The following HNRNPD variants were observed in gnomAD, a reference collection of about 807,000 sequenced individuals.
HNRNPD encodes heterogeneous nuclear ribonucleoprotein D0.
In HNRNPD, 3 loss-of-function variants were observed where a neutral mutation model predicts 47.9. That is an observed-to-expected ratio of 0.06 (90% CI 0.03 to 0.16). HNRNPD has a LOEUF of 0.16. Among genes scored for constraint, HNRNPD ranks in the 10% least tolerant of loss-of-function variants. HNRNPD has a pLI of 1.00. For missense variants in HNRNPD, 287 were observed against 454.2 expected (o/e 0.63, Z 3.35); for synonymous variants, 171 against 165.1 (o/e 1.04, Z -0.28).
intron 2 of HNRNPD, among the ~76,000 whole-genome samples, chr4:82,362,088 C>T (rs1719480456): frequency 6.6e-6 from 1 of 152,120 alleles, no homozygotes; most frequent in Non-Finnish European, 1.5e-5. Flanking sequence ...TTTCTAACAG[C>T]ATCACACTTT....
intron 2 of HNRNPD, 45 bp from the exon 3 acceptor site, chr4:82,359,684 C>A: frequency 1.5e-6 from 2 of 1,368,148 alleles, no homozygotes; most frequent in South Asian, 2.9e-5. Flanking sequence ...AAAAAATTGC[C>A]TTAAATATTA....
chr4:82,364,490 A>G (rs899500608), intron 2 of HNRNPD, among the ~76,000 whole-genome samples: 2 of 152,226 alleles, frequency 1.3e-5, no homozygotes, highest in African/African-American at 4.8e-5. Context: ...AATTTAATAA[A>G]GCAAACTTTT....
intron 2 of HNRNPD, among the ~76,000 whole-genome samples, chr4:82,362,012 C>T (rs1271012013): frequency 6.6e-6 from 1 of 152,212 alleles, no homozygotes; most frequent in African/African-American, 2.4e-5. Context: ...TCCCTTAAAG[C>T]ACCGCCTGCC....
chr4:82,363,761 C>T (rs553142476), intron 2 of HNRNPD, among the ~76,000 whole-genome samples: 1 of 152,294 alleles, frequency 6.6e-6, no homozygotes, highest in African/African-American at 2.4e-5. Context: ...GTTTAAAACA[C>T]CTACTCCACA....
Position 82,359,621 on chromosome 4 carries a change from G to T in HNRNPD, c.309C>A (p.Gly103=). ...CTTTCTTTGTAGTGTCCCAGCTAAG[G>T]CCTCCTATAAACATTTTCCTGTAAA... is the stretch of plus-strand genomic sequence containing the variant. ...QREEWKMFIG[G]LSWDTTKKDL... The change falls in exon 3 of 9, where the codon GGC becomes GGA. Residue 103 remains glycine (G), a synonymous_variant. Transcript: ENST00000313899. The T allele has an allele frequency of 6.4e-7, 1 of 1,559,522 alleles. No homozygotes were observed. Among genetic ancestry groups the T allele is most frequent in the Non-Finnish European group, 8.8e-7 (1 of 1,142,102 alleles).
At position 82,358,587 on chromosome 4, in the gene HNRNPD, C is replaced by CTT. The variant is rs879101953; in HGVS notation, c.621+71_621+72insAA. On this transcript the variant is annotated intron_variant, in intron 4 of 8. Coordinates refer to ENST00000313899, the MANE Select transcript of HNRNPD (RefSeq NM_031370.3). ...AACAGCTTTGAAAAGCCAAGTGACT[C>CTT]TGAGTCCATAATGGGACAATCACAT... 5 of 1,372,874 alleles carry CTT rather than the reference C, an allele frequency of 3.6e-6. No homozygotes were observed. In the Admixed American group the frequency reaches 1.1e-4, roughly 29 times the overall value. 85.0% of individuals were successfully genotyped at this position (1,372,874 alleles called of 1,614,324 possible).
At chr4:82,365,991 A>G (rs1719735366) in intron 2 of HNRNPD, among the ~76,000 whole-genome samples, 1 of 152,074 alleles carries the variant, frequency 6.6e-6, no homozygotes, top group African/African-American at 2.4e-5. Flanking sequence ...TTTAGTCAAT[A>G]AAAATATAAA....
intron 2 of HNRNPD, among the ~76,000 whole-genome samples, chr4:82,367,758 G>A (rs1017391450): frequency 1.3e-4 from 20 of 152,090 alleles, no homozygotes; most frequent in Non-Finnish European, 1.9e-4. Context: ...TAGCTCCAAC[G>A]TACAATATAA....
At chr4:82,356,300 A>G in intron 7 of HNRNPD, 2 of 416,512 alleles carry the variant, frequency 4.8e-6, no homozygotes, top group Non-Finnish European at 8.5e-6. Context: ...TTTAAATCCA[A>G]GTAAAACAAA....
chr4:82,354,627 T>C (rs1391322777), intron 8 of HNRNPD: 1 of 152,626 alleles, frequency 6.6e-6, no homozygotes, highest in Non-Finnish European at 1.5e-5. Context: ...TGCTACAACG[T>C]CTATAAATGG....
At chr4:82,363,660 T>C (rs970871526) in intron 2 of HNRNPD, among the ~76,000 whole-genome samples, 20 of 152,110 alleles carry the variant, frequency 1.3e-4, no homozygotes, top group Admixed American at 7.2e-4. Context: ...AATGCAGGAC[T>C]TCATCTACTG....
intron 7 of HNRNPD, 193 bp downstream of exon 7, chr4:82,356,344 C>T (rs1472900467): frequency 1.8e-6 from 1 of 555,350 alleles, no homozygotes. Context: ...CACACATACA[C>T]CCTACCCTTA....
At chr4:82,372,122 A>C (rs747091460) in intron 1 of HNRNPD, among the ~76,000 whole-genome samples, 1 of 151,806 alleles carries the variant, frequency 6.6e-6, no homozygotes, top group Non-Finnish European at 1.5e-5. Context: ...ATATCCACCA[A>C]CACCTTTCTC....
chr4:82,371,481 GACT>G (rs1720046005), intron 2 of HNRNPD, 44 bp downstream of exon 2: 1 of 1,442,306 alleles, frequency 6.9e-7, no homozygotes, highest in Middle Eastern at 1.7e-4. Context: ...TACATATTAT[GACT>G]ACTGAAACCT....
chr4:82,357,888 C>T (rs6846730), intron 4 of HNRNPD: 46,865 of 152,692 alleles, frequency 0.31, 8,292 homozygotes, highest in African/African-American at 0.5. Context: ...AGGAGGGCAG[C>T]GTCAGTTCCC....
intron 1 of HNRNPD, among the ~76,000 whole-genome samples, chr4:82,371,887 G>A (rs967222995): frequency 6.6e-6 from 1 of 151,946 alleles, no homozygotes; most frequent in Non-Finnish European, 1.5e-5. Flanking sequence ...TATACAATTC[G>A]AGTTGGTTCT....
Position 82,364,387 on chromosome 4 carries a change from T to TA in HNRNPD, c.291-4749dup, listed in dbSNP as rs1719638975. On this transcript the variant is annotated intron_variant, in intron 2 of 8. Transcript: ENST00000313899. Reference sequence around the variant, plus strand: ...GAGGGTTAAAACTAGTTAACACACTTAAAGGACACAGAATAGTCTGACACA... The same window carrying TA: ...GAGGGTTAAAACTAGTTAACACACTTAAAAGGACACAGAATAGTCTGACACA... Among the ~76,000 whole-genome samples, 3 of 152,288 alleles carry TA rather than the reference T, an allele frequency of 2.0e-5. No individual in the cohort carries two copies. In the South Asian group the frequency reaches 6.2e-4, roughly 32 times the overall value.
At chr4:82,363,852 T>C (rs578200340) in intron 2 of HNRNPD, among the ~76,000 whole-genome samples, 111 of 152,380 alleles carry the variant, frequency 7.3e-4, no homozygotes, top group African/African-American at 2.5e-3. Context: ...CAACTCAGCA[T>C]AGATAACTAT....
chr4:82,369,428 T>C (rs536946434), intron 2 of HNRNPD, among the ~76,000 whole-genome samples: 14 of 152,190 alleles, frequency 9.2e-5, no homozygotes, highest in Admixed American at 3.9e-4. Flanking sequence ...AAAATAGCTG[T>C]CCATTCTTAC....
Sources: gnomAD v4.1 joint callset for allele counts (sites outside exome capture counted in the v4.1 genomes callset) on GRCh38, gnomAD v4.1.1 for gene constraint, MANE v1.5 for transcripts, NCBI Gene and HGNC (gene_info 2026-07-23, HGNC 2026-07-21) for gene names.